KRTAP4-9: variants seen among roughly 807,000 people sequenced by gnomAD.
KRTAP4-9 encodes keratin associated protein 4-9, also known as keratin-associated protein 4-9.
In KRTAP4-9, 4 loss-of-function variants were observed where a neutral mutation model predicts 4.3. The ratio of observed to expected loss-of-function variants is 0.94; its 90% CI spans 0.46 to 2.15. The LOEUF is 2.15. KRTAP4-9 is among the 30% of genes most tolerant of loss of function. KRTAP4-9 has a pLI of 0.02. For synonymous variants in KRTAP4-9, 111 were observed against 99.2 expected (o/e 1.12, Z -0.70); for missense variants, 297 against 278.5 (o/e 1.07, Z -0.47).
chr17:41,105,920 C>T (rs772266710), exon 1 of KRTAP4-9: 2 of 1,608,466 alleles, frequency 1.2e-6, no homozygotes, highest in South Asian at 1.1e-5. Context: ...CTGCGTGCGT[C>T]CAGTCTGTGG....
chr17:41,105,787 C>T (rs370251849), exon 1 of KRTAP4-9: 1 of 1,593,768 alleles, frequency 6.3e-7, no homozygotes, highest in East Asian at 2.3e-5. Flanking sequence ...GTGTGTCCAG[C>T]TGCTGCAAGC....
At chr17:41,105,870 G>A (rs188946528) in exon 1 of KRTAP4-9, 83,023 of 1,534,276 alleles carry the variant, frequency 0.054, 2,618 homozygotes, top group Non-Finnish European at 0.063. Flanking sequence ...AGCTGCTGCC[G>A]CCCCTCTTGC....
chr17:41,105,503 T>C (rs780614294), exon 1 of KRTAP4-9: 1 of 1,566,556 alleles, frequency 6.4e-7, no homozygotes, highest in African/African-American at 1.5e-5. Flanking sequence ...CAGGACCACC[T>C]GCTGCCGCCC....
exon 1 of KRTAP4-9, chr17:41,106,220 T>C: frequency 9.9e-7 from 1 of 1,015,080 alleles, no homozygotes; most frequent in Non-Finnish European, 1.4e-6. Flanking sequence ...CCTTGCTTTC[T>C]TTTTCTTCCG....
At chr17:41,106,139 C>T in exon 1 of KRTAP4-9, 2 of 1,435,706 alleles carry the variant, frequency 1.4e-6, no homozygotes, top group Non-Finnish European at 1.8e-6. Flanking sequence ...GAATGGAACT[C>T]ATGTTTCCAA....
chr17:41,105,487 C>G, exon 1 of KRTAP4-9: 4 of 1,604,402 alleles, frequency 2.5e-6, no homozygotes, highest in Non-Finnish European at 3.4e-6. Flanking sequence ...GTGAGACCAC[C>G]TGCTGCAGGA....
Position 41,106,041 on chromosome 17 carries a change from C to A in KRTAP4-9, c.*20C>A, listed in dbSNP as rs542861605. ...TGCTGAGCCCACTGCCCTGGCTTAT[C>A]TCCCCCTTCACCACTGGCCCACAGA... On this transcript the variant is annotated 3_prime_UTR_variant, in exon 1 of 1. Coordinates refer to ENST00000391415, the Ensembl canonical transcript of KRTAP4-9. 5.1e-5 allele frequency: 79 copies of A among 1,560,066 alleles called. No homozygotes were observed. The South Asian group carries it at 9.0e-4, about 18-fold the overall frequency.
chr17:41,106,065 G>C lies in KRTAP4-9; in HGVS notation c.*44G>C, dbSNP rs531515031. ...TCTCCCCCTTCACCACTGGCCCACA[G>C]ATGTAGACCCTTCTACTGTGCTGAC... On this transcript the variant is annotated 3_prime_UTR_variant, in exon 1 of 1. Coordinates refer to ENST00000391415, the Ensembl canonical transcript of KRTAP4-9. The C allele has an allele frequency of 1.5e-4, 235 of 1,534,116 alleles. 3 individuals carry two copies. In the African/African-American group the frequency reaches 2.9e-3, roughly 19 times the overall value.
exon 1 of KRTAP4-9, chr17:41,106,324 C>T (rs2014091853): frequency 5.6e-6 from 3 of 536,620 alleles, no homozygotes; most frequent in African/African-American, 3.9e-5. Context: ...CTTTGAGGTA[C>T]AGATCTTCTT....
chr17:41,106,402 C>T (rs1242874894), exon 1 of KRTAP4-9: 2 of 304,416 alleles, frequency 6.6e-6, no homozygotes, highest in African/African-American at 4.4e-5. Flanking sequence ...GATCCAGCCG[C>T]CCAGTTATAT....
At chr17:41,106,100 A>G (rs2014087506) in exon 1 of KRTAP4-9, 1 of 1,483,540 alleles carries the variant, frequency 6.7e-7, no homozygotes, top group Non-Finnish European at 9.0e-7. Flanking sequence ...CCATTAGGAT[A>G]CAGGAAGTGG....
chr17:41,105,840 G>C, exon 1 of KRTAP4-9: 1 of 1,604,684 alleles, frequency 6.2e-7, no homozygotes. Context: ...AACTGCTGCC[G>C]CCCCAGCTGC....
exon 1 of KRTAP4-9, chr17:41,105,731 T>C (rs1386541466): frequency 6.4e-7 from 1 of 1,570,796 alleles, no homozygotes; most frequent in African/African-American, 1.4e-5. Flanking sequence ...GACGACCTGC[T>C]GCCACCCTAG....
chr17:41,106,292 A>C, exon 1 of KRTAP4-9: 1 of 607,134 alleles, frequency 1.6e-6, no homozygotes, highest in Non-Finnish European at 2.8e-6. Flanking sequence ...CCAATCCTCT[A>C]ATTTCCTCAT....
exon 1 of KRTAP4-9, chr17:41,106,383 G>T (rs964926095): frequency 5.8e-6 from 2 of 347,764 alleles, no homozygotes; most frequent in African/African-American, 2.1e-5. Flanking sequence ...CACTGAGGTT[G>T]CACCCTCAGA....
At chr17:41,106,388 C>T (rs748479557) in exon 1 of KRTAP4-9, 1 of 335,994 alleles carries the variant, frequency 3.0e-6, no homozygotes, top group Non-Finnish European at 5.6e-6. Flanking sequence ...AGGTTGCACC[C>T]TCAGATCCAG....
exon 1 of KRTAP4-9, chr17:41,106,051 A>G (rs1264021554): frequency 1.9e-6 from 3 of 1,548,156 alleles, no homozygotes; most frequent in Non-Finnish European, 2.6e-6. Context: ...CTCCCCCTTC[A>G]CCACTGGCCC....
At chr17:41,105,738 C>G in exon 1 of KRTAP4-9, 1 of 1,602,402 alleles carries the variant, frequency 6.2e-7, no homozygotes. Flanking sequence ...TGCTGCCACC[C>G]TAGGTGCTGC....
At chr17:41,105,913 C>T (rs780952188) in exon 1 of KRTAP4-9, 76 of 1,608,454 alleles carry the variant, frequency 4.7e-5, no homozygotes, top group Non-Finnish European at 5.9e-5. Context: ...CCTGCTGCTG[C>T]GTGCGTCCAG....
Sources: allele counts gnomAD v4.1 joint callset, GRCh38; gene constraint gnomAD v4.1.1; transcripts MANE v1.5; gene names NCBI Gene and HGNC (gene_info 2026-07-23, HGNC 2026-07-21).